Variants in MYO3A observed in about 807,000 individuals in gnomAD.
The protein encoded by MYO3A is myosin IIIA.
A neutral mutation model predicts 192.7 loss-of-function variants in MYO3A; 180 were observed. That is an observed-to-expected ratio of 0.93 (90% CI 0.83 to 1.06). The LOEUF is 1.06. Among genes scored for constraint, MYO3A ranks in the 50% least tolerant of loss-of-function variants. The pLI is 0.00. For missense variants in MYO3A, 1,896 were observed against 1,905.0 expected (o/e 1.00, Z 0.09); for synonymous variants, 628 against 645.3 (o/e 0.97, Z 0.41).
At chr10:25,952,354 T>C in intron 3 of MYO3A, 76 bp downstream of exon 3, 3 of 1,423,350 alleles carry the variant, frequency 2.1e-6, no homozygotes, top group Non-Finnish European at 2.9e-6. Flanking sequence ...TATTTTATCT[T>C]GATTTATTCA....
chr10:26,183,576 A>G (rs1372578010), intron 31 of MYO3A, among the ~76,000 whole-genome samples: 1 of 152,176 alleles, frequency 6.6e-6, no homozygotes, highest in Non-Finnish European at 1.5e-5. Flanking sequence ...GTCGTTTTCA[A>G]GGATCTGGGT....
Position 26,047,152 on chromosome 10 carries a change from G to C in MYO3A, c.954-19823G>C, listed in dbSNP as rs903052925. Among the ~76,000 whole-genome samples, 8 of 152,162 alleles carry C rather than the reference G, an allele frequency of 5.3e-5. No individual in the cohort carries two copies. In the East Asian group the frequency reaches 1.5e-3, roughly 29 times the overall value. ...ATTTTATAATTATTTTGTTCAAAGA[G>C]ATTTCTGAAAACTATTACATTTGAT... On this transcript the variant is annotated intron_variant, in intron 10 of 34. Transcript: ENST00000642920.
chr10:26,183,540 A>T lies in MYO3A; in HGVS notation c.4438+6695A>T, dbSNP rs7910941. On this transcript the variant is annotated intron_variant, in intron 31 of 34. Transcript: ENST00000642920. ...TTCGTCTCAAAAAAAATAATAATAA[A>T]AAATAAAAAATAAATAAAACTAAAA... Among the ~76,000 whole-genome samples the T allele has an allele frequency of 3.8e-3, 573 of 148,870 alleles. 3 individuals carry two copies. The highest frequency in any genetic ancestry group is 0.013 in the African/African-American group (527 of 41,222).
chr10:26,026,565 G>C (rs756595103), intron 10 of MYO3A, 33 bp downstream of exon 10: 1 of 1,611,198 alleles, frequency 6.2e-7, no homozygotes, highest in South Asian at 1.1e-5. Flanking sequence ...CCAAAATCCA[G>C]AGATTATTGA....
chr10:26,075,244 T>G (rs1421451850), intron 14 of MYO3A, among the ~76,000 whole-genome samples: 1 of 151,800 alleles, frequency 6.6e-6, no homozygotes, highest in Non-Finnish European at 1.5e-5. Context: ...TTCATACAAA[T>G]TTTTGGATTT....
intron 17 of MYO3A, among the ~76,000 whole-genome samples, chr10:26,101,128 T>C (rs1052933566): frequency 5.3e-5 from 8 of 152,252 alleles, no homozygotes; most frequent in African/African-American, 1.4e-4. Context: ...TCTTATTGAA[T>C]TGATTCCTTT....
chr10:26,145,438 T>C lies in MYO3A; in HGVS notation c.2417-8T>C. 1 of 1,564,804 alleles carries C rather than the reference T, an allele frequency of 6.4e-7. No individual in the cohort carries two copies. The highest frequency in any genetic ancestry group is 8.8e-7 in the Non-Finnish European group (1 of 1,135,286). ...TGCTTGATATTTGAGTTCAGTATTT[T>C]TCTACAGAAAAATTTGAAGGTAACC... is the stretch of plus-strand genomic sequence containing the variant. On this transcript the variant is annotated splice_region_variant and splice_polypyrimidine_tract_variant and intron_variant, in intron 21 of 34. Coordinates refer to ENST00000642920, the MANE Select transcript of MYO3A (RefSeq NM_017433.5).
intron 10 of MYO3A, among the ~76,000 whole-genome samples, chr10:26,065,585 CAAAAAAAAA>C (rs33982842): frequency 4.3e-5 from 1 of 23,262 alleles, no homozygotes; most frequent in Non-Finnish European, 7.8e-5. Flanking sequence ...ACTCCATCTC[CAAAAAAAAA>C]AAAAAAAAAA....
At chr10:26,058,821 T>G (rs1458498764) in intron 10 of MYO3A, among the ~76,000 whole-genome samples, 1 of 152,234 alleles carries the variant, frequency 6.6e-6, no homozygotes, top group African/African-American at 2.4e-5. Context: ...TAATATTGAG[T>G]CTTCCTATCC....
At chr10:25,999,901 T>C (rs1298129717) in intron 6 of MYO3A, among the ~76,000 whole-genome samples, 1 of 152,210 alleles carries the variant, frequency 6.6e-6, no homozygotes, top group African/African-American at 2.4e-5. Flanking sequence ...AAAACTTGTC[T>C]CTCTGTTAGA....
chr10:26,048,185 C>T (rs1471983266), intron 10 of MYO3A, among the ~76,000 whole-genome samples: 1 of 152,122 alleles, frequency 6.6e-6, no homozygotes, highest in Admixed American at 6.5e-5. Flanking sequence ...TCCTTACTGC[C>T]AGGAACACAG....
chr10:26,117,318 C>T (rs979647072), intron 17 of MYO3A, among the ~76,000 whole-genome samples: 2 of 152,032 alleles, frequency 1.3e-5, no homozygotes, highest in African/African-American at 4.8e-5. Context: ...TAAAAAAACA[C>T]ATTTAAAAAA....
At chr10:26,104,323 G>C (rs1055418850) in intron 17 of MYO3A, among the ~76,000 whole-genome samples, 3 of 152,030 alleles carry the variant, frequency 2.0e-5, no homozygotes, top group African/African-American at 7.2e-5. Flanking sequence ...TATAGTTTTA[G>C]CTCTTACATT....
intron 5 of MYO3A, among the ~76,000 whole-genome samples, 156 bp downstream of exon 5, chr10:25,996,750 C>T (rs374666346): frequency 1.3e-5 from 2 of 152,274 alleles, no homozygotes; most frequent in Admixed American, 6.5e-5. Context: ...ATAGCTAATT[C>T]TTTTTTTCCA....
At chr10:26,164,894 C>T (rs11014980) in intron 26 of MYO3A, among the ~76,000 whole-genome samples, 11,469 of 152,136 alleles carry the variant, frequency 0.075, 693 homozygotes, top group East Asian at 0.31. Flanking sequence ...AATGCAGAGT[C>T]GCCGCTACTG....
intron 20 of MYO3A, among the ~76,000 whole-genome samples, chr10:26,132,618 G>A (rs973290348): frequency 4.0e-5 from 6 of 151,844 alleles, no homozygotes; most frequent in African/African-American, 1.5e-4. Flanking sequence ...TTTTGGATAA[G>A]CTTTCTTCAT....
chr10:26,167,780 A>G (rs1841835172), intron 27 of MYO3A, among the ~76,000 whole-genome samples: 1 of 152,188 alleles, frequency 6.6e-6, no homozygotes, highest in African/African-American at 2.4e-5. Context: ...TGTAACACAA[A>G]CGTGTTTACC....
At chr10:26,086,873 G>A (rs1836359584) in intron 14 of MYO3A, among the ~76,000 whole-genome samples, 2 of 152,180 alleles carry the variant, frequency 1.3e-5, no homozygotes, top group African/African-American at 2.4e-5. Flanking sequence ...GGCTGATAGA[G>A]TTTCTCATCA....
At chr10:25,946,147 G>A (rs1422370334) in intron 2 of MYO3A, among the ~76,000 whole-genome samples, 2 of 152,100 alleles carry the variant, frequency 1.3e-5, no homozygotes, top group Non-Finnish European at 2.9e-5. Context: ...ATACTACTGG[G>A]TTTGATAATT....
Sources: allele counts gnomAD v4.1 joint callset (sites outside exome capture counted in the v4.1 genomes callset), GRCh38; gene constraint gnomAD v4.1.1; transcripts MANE v1.5; gene names NCBI Gene and HGNC (gene_info 2026-07-23, HGNC 2026-07-21).